The following PDK1 variants were observed in gnomAD, a reference collection of about 807,000 sequenced individuals.
The protein encoded by PDK1 is pyruvate dehydrogenase kinase 1.
A neutral mutation model predicts 54.2 loss-of-function variants in PDK1; 39 were observed. The ratio of observed to expected loss-of-function variants is 0.72; its 90% CI spans 0.56 to 0.94. The LOEUF (loss-of-function observed/expected upper bound fraction) is 0.94. Among genes scored for constraint, PDK1 ranks in the 40% least tolerant of loss-of-function variants. The pLI is 0.00. For missense variants in PDK1, 552 were observed against 566.0 expected, an observed-to-expected ratio of 0.98 and a Z score of 0.25; for synonymous variants, 221 against 207.1, an observed-to-expected ratio of 1.07 and a Z score of -0.58.
At chr2:172,676,995 T>A in the PDK1 span, 37 of 152,346 alleles carry the variant, frequency 2.4e-4, no homozygotes, top group African/African-American at 7.7e-4. Flanking sequence ...CAGACAGTTG[T>A]CAGCATTTTT....
chr2:172,697,671 A>T, the PDK1 span, among the ~76,000 whole-genome samples: 1 of 152,234 alleles, frequency 6.6e-6, no homozygotes, highest in Non-Finnish European at 1.5e-5. Flanking sequence ...TCTTAAAAAC[A>T]ATTATTGTGA....
intron 8 of PDK1, among the ~76,000 whole-genome samples, chr2:172,571,754 A>C (rs900944562): frequency 6.6e-6 from 1 of 151,928 alleles, no homozygotes; most frequent in Non-Finnish European, 1.5e-5. Flanking sequence ...AGAGACTATA[A>C]AAATTCAAAT....
chr2:172,591,349 A>G (rs1434445954), intron 9 of PDK1, among the ~76,000 whole-genome samples: 7 of 152,188 alleles, frequency 4.6e-5, no homozygotes, highest in Admixed American at 3.3e-4. Context: ...GGCATCTCAT[A>G]CTATCCCTGA....
chr2:172,660,213 G>C, the PDK1 span, among the ~76,000 whole-genome samples: 1 of 131,276 alleles, frequency 7.6e-6, no homozygotes, highest in African/African-American at 2.8e-5. Flanking sequence ...TCAGTGTATC[G>C]ATCTATGTAA....
chr2:172,565,395 C>T (rs1688879836), intron 5 of PDK1, among the ~76,000 whole-genome samples: 1 of 152,106 alleles, frequency 6.6e-6, no homozygotes, highest in Non-Finnish European at 1.5e-5. Flanking sequence ...CCTCTGCCTC[C>T]TGAGTTCAAG....
chr2:172,613,890 C>G, the PDK1 span, among the ~76,000 whole-genome samples: 1 of 152,048 alleles, frequency 6.6e-6, no homozygotes, highest in African/African-American at 2.4e-5. Flanking sequence ...CCCCGCCCTC[C>G]TGGGCTCCTC....
chr2:172,586,537 C>T, intron 9 of PDK1, 149 bp downstream of exon 9: 2 of 515,360 alleles, frequency 3.9e-6, no homozygotes, highest in Non-Finnish European at 7.0e-6. Context: ...TAAATTTAAA[C>T]AGCCTTCAGA....
chr2:172,557,216 C>T (rs1688384205), intron 1 of PDK1, among the ~76,000 whole-genome samples: 1 of 151,958 alleles, frequency 6.6e-6, no homozygotes. Context: ...TTAAAATGAC[C>T]CTAGTTCGAG....
At chr2:172,642,646 G>C in the PDK1 span, among the ~76,000 whole-genome samples, 1 of 152,230 alleles carries the variant, frequency 6.6e-6, no homozygotes, top group South Asian at 2.1e-4. Flanking sequence ...GCTGGGCCTA[G>C]TGTGTTCATA....
intron 4 of PDK1, 40 bp from the exon 5 acceptor site, chr2:172,564,938 G>C: frequency 7.6e-7 from 1 of 1,311,392 alleles, no homozygotes; most frequent in Non-Finnish European, 1.1e-6. Context: ...AGCATTAGGT[G>C]GTTTAGCTTA....
chr2:172,647,848 C>T, the PDK1 span, among the ~76,000 whole-genome samples: 1 of 151,984 alleles, frequency 6.6e-6, no homozygotes. Context: ...ACTGTAACTT[C>T]ACAACAAAGA....
chr2:172,624,730 G>A, the PDK1 span, among the ~76,000 whole-genome samples: 1 of 152,186 alleles, frequency 6.6e-6, no homozygotes, highest in East Asian at 1.9e-4. Flanking sequence ...CAGACGTGGT[G>A]GCTCATGCCC....
At position 172,597,092 on chromosome 2, in the gene PDK1, G is replaced by A. The variant is rs11904158; in HGVS notation, c.*1123G>A. The A allele has an allele frequency of 0.28, 42,108 of 151,770 alleles. 7,204 individuals are homozygous for A. The highest frequency in any genetic ancestry group is 0.49 in the African/African-American group (20,311 of 41,346). 9.4% of individuals were successfully genotyped at this position (151,770 alleles called of 1,614,324 possible). ...CAAAGCATCAGAGCCATCATTGCAC[G>A]TGTCTTTTTTTCTTTTTTCTTTTTT... is the stretch of plus-strand genomic sequence containing the variant. On this transcript the variant is annotated 3_prime_UTR_variant, in exon 11 of 11. Coordinates refer to ENST00000282077, the MANE Select transcript of PDK1 (RefSeq NM_002610.5).
At chr2:172,622,230 T>TATATTATGAGATGTTTATATCTC in the PDK1 span, among the ~76,000 whole-genome samples, 1 of 126,200 alleles carries the variant, frequency 7.9e-6, no homozygotes, top group African/African-American at 3.0e-5. Context: ...TTATATCTCA[T>TATATTATGAGATGTTTATATCTC]ATATTATGTG....
chr2:172,593,253 C>T (rs966953893), intron 10 of PDK1, among the ~76,000 whole-genome samples: 2 of 152,046 alleles, frequency 1.3e-5, no homozygotes, highest in East Asian at 3.8e-4. Flanking sequence ...GATTAGGACT[C>T]TGTCTATTAA....
chr2:172,684,377 G>A, the PDK1 span, among the ~76,000 whole-genome samples: 1 of 152,092 alleles, frequency 6.6e-6, no homozygotes, highest in African/African-American at 2.4e-5. Context: ...AGCTGAGATT[G>A]TGCCACTGCA....
In PDK1 at chr2:172,596,216, CTT is replaced by C; in HGVS notation, c.*250_*251del. The C allele has an allele frequency of 3.3e-6, 1 of 304,290 alleles. No homozygotes were observed. 18.8% of individuals were successfully genotyped at this position (304,290 alleles called of 1,614,324 possible). A position where few individuals can be genotyped will look rare whatever the true frequency, so the allele number is the denominator to read the frequency against. On this transcript the variant is annotated 3_prime_UTR_variant, in exon 11 of 11. Coordinates refer to ENST00000282077, the MANE Select transcript of PDK1 (RefSeq NM_002610.5). ...TTTAAACAACTGTAGTTTTGGGCAACTTTTCACTTTGTGGTAGACTTCAGAAG... is the reference window on the plus strand; with the variant it reads ...TTTAAACAACTGTAGTTTTGGGCAACTTCACTTTGTGGTAGACTTCAGAAG...
chr2:172,646,925 C>T, the PDK1 span, among the ~76,000 whole-genome samples: 2 of 151,672 alleles, frequency 1.3e-5, no homozygotes, highest in African/African-American at 2.4e-5. Flanking sequence ...TTAGTAGAGA[C>T]GGGGTTTCAC....
At chr2:172,566,196 AT>A (rs200847801) in intron 5 of PDK1, among the ~76,000 whole-genome samples, 1 of 151,666 alleles carries the variant, frequency 6.6e-6, no homozygotes, top group Admixed American at 6.6e-5. Flanking sequence ...AGACTTTTAC[AT>A]TTTTTTTGTA....
Sources: allele counts gnomAD v4.1 joint callset (sites outside exome capture counted in the v4.1 genomes callset), GRCh38; gene constraint gnomAD v4.1.1; transcripts MANE v1.5; gene names NCBI Gene and HGNC (gene_info 2026-07-23, HGNC 2026-07-21).